CDH11: variants seen among roughly 807,000 people sequenced by gnomAD.
CDH11 encodes the protein cadherin-11.
Under a neutral mutation model 67.8 loss-of-function variants are expected in CDH11, and 11 were observed. That is an observed-to-expected ratio of 0.16 (90% CI 0.10 to 0.27). The LOEUF (loss-of-function observed/expected upper bound fraction) is 0.27. CDH11 is among the 10% of genes least tolerant of loss of function. The pLI is 1.00. For missense variants in CDH11, 847 were observed against 1,031.2 expected (o/e 0.82, Z 2.45); for synonymous variants, 419 against 400.0 (o/e 1.05, Z -0.57).
chr16:65,003,423 A>C (rs949564734), intron 3 of CDH11, among the ~76,000 whole-genome samples: 1 of 151,892 alleles, frequency 6.6e-6, no homozygotes, highest in Non-Finnish European at 1.5e-5. Flanking sequence ...CGCCTGGCTA[A>C]TATTTGTGTT....
At chr16:65,062,622 A>C (rs530077857) in intron 1 of CDH11, among the ~76,000 whole-genome samples, 1 of 152,184 alleles carries the variant, frequency 6.6e-6, no homozygotes, top group Non-Finnish European at 1.5e-5. Flanking sequence ...CCATTTTGTT[A>C]TTTGCCTTTT....
intron 2 of CDH11, among the ~76,000 whole-genome samples, chr16:65,046,975 G>GGCA (rs2073972017): frequency 6.6e-6 from 1 of 152,104 alleles, no homozygotes; most frequent in African/African-American, 2.4e-5. Context: ...CAGCCGTGGT[G>GGCA]GCATATGCCT....
intron 1 of CDH11, among the ~76,000 whole-genome samples, chr16:65,099,618 CT>C (rs1157912510): frequency 6.6e-6 from 1 of 152,092 alleles, no homozygotes; most frequent in Non-Finnish European, 1.5e-5. Context: ...GGAAAAATAT[CT>C]CAGCATCAAT....
chr16:65,039,014 C>T (rs926062047), intron 2 of CDH11, among the ~76,000 whole-genome samples: 3 of 152,046 alleles, frequency 2.0e-5, no homozygotes, highest in Admixed American at 2.0e-4. Flanking sequence ...TTTTTGGGCA[C>T]CAGAAGAATG....
intron 1 of CDH11, among the ~76,000 whole-genome samples, chr16:65,074,023 C>T (rs1366730388): frequency 2.0e-5 from 3 of 152,192 alleles, no homozygotes; most frequent in Non-Finnish European, 4.4e-5. Context: ...GTTGCTAAAG[C>T]TGTGGCTAAG....
chr16:65,041,273 A>C (rs764574006), intron 2 of CDH11, among the ~76,000 whole-genome samples: 8 of 152,180 alleles, frequency 5.3e-5, no homozygotes, highest in Non-Finnish European at 1.0e-4. Flanking sequence ...GTAGGTGCAC[A>C]CATGGGTACC....
chr16:64,972,087 G>A (rs749629084), intron 9 of CDH11, 23 bp from the exon 10 acceptor site: 2 of 1,610,162 alleles, frequency 1.2e-6, no homozygotes, highest in Non-Finnish European at 1.7e-6. Flanking sequence ...AATGCAGACA[G>A]TCAAGAAAGG....
intron 4 of CDH11, among the ~76,000 whole-genome samples, chr16:64,993,913 G>A (rs1029213348): frequency 6.6e-6 from 1 of 152,130 alleles, no homozygotes; most frequent in Non-Finnish European, 1.5e-5. Context: ...TTCCTCTGCT[G>A]GGCATTTTTT....
intron 2 of CDH11, among the ~76,000 whole-genome samples, chr16:65,006,549 G>A (rs2073058738): frequency 6.6e-6 from 1 of 152,172 alleles, no homozygotes; most frequent in Admixed American, 6.5e-5. Context: ...TGAATAATGA[G>A]GATGACAAGA....
At chr16:65,078,639 AT>A (rs1251657298) in intron 1 of CDH11, among the ~76,000 whole-genome samples, 1 of 152,134 alleles carries the variant, frequency 6.6e-6, no homozygotes, top group African/African-American at 2.4e-5. Flanking sequence ...TCTAATAGAC[AT>A]TTTTTTGATC....
chr16:65,077,304 A>G (rs995074719), intron 1 of CDH11, among the ~76,000 whole-genome samples: 5 of 152,198 alleles, frequency 3.3e-5, no homozygotes, highest in Non-Finnish European at 5.9e-5. Context: ...TGATGATTAC[A>G]TGTGGATAAA....
At position 64,945,106 on chromosome 16, in the gene CDH11, G is replaced by A. The variant is rs2071171558; in HGVS notation, c.*2497C>T. On this transcript the variant is annotated 3_prime_UTR_variant, in exon 13 of 13. Coordinates refer to ENST00000268603, the MANE Select transcript of CDH11 (RefSeq NM_001797.4). ...TACTTGAGGAAAAGAACAGAAGCAT[G>A]TTCCTTCTTTTAGCTGCATAGATGG... 1 of 203,774 alleles carries A rather than the reference G, an allele frequency of 4.9e-6. No homozygotes were observed. The highest frequency in any genetic ancestry group is 1.9e-4 in the South Asian group (1 of 5,256). 12.6% of individuals were successfully genotyped at this position (203,774 alleles called of 1,614,324 possible).
intron 2 of CDH11, among the ~76,000 whole-genome samples, chr16:65,050,590 C>T (rs1047968658): frequency 1.3e-5 from 2 of 150,466 alleles, no homozygotes; most frequent in East Asian, 2.0e-4. Flanking sequence ...AAGTCCTTTC[C>T]TCCACCAGGC....
intron 1 of CDH11, among the ~76,000 whole-genome samples, chr16:65,115,700 G>A (rs1175187977): frequency 5.0e-5 from 5 of 100,866 alleles, no homozygotes; most frequent in Admixed American, 2.1e-4. Context: ...AAAATATAAG[G>A]CTACACCAAA....
chr16:65,009,615 T>C (rs2073134957), intron 2 of CDH11, among the ~76,000 whole-genome samples: 1 of 152,074 alleles, frequency 6.6e-6, no homozygotes, highest in Admixed American at 6.6e-5. Flanking sequence ...TGGTAATAAT[T>C]AGGGAAATAT....
intron 4 of CDH11, among the ~76,000 whole-genome samples, chr16:64,997,179 A>G (rs2072792022): frequency 6.6e-6 from 1 of 151,904 alleles, no homozygotes; most frequent in African/African-American, 2.4e-5. Flanking sequence ...GCGCTCCTGT[A>G]ATCCCAGTTA....
At chr16:65,015,556 C>T (rs2073287839) in intron 2 of CDH11, among the ~76,000 whole-genome samples, 1 of 152,246 alleles carries the variant, frequency 6.6e-6, no homozygotes, top group East Asian at 1.9e-4. Flanking sequence ...CTACCTTGCC[C>T]TCTCTTCCCT....
rs183786934 is a variant in CDH11, at chr16:65,065,013, C to G, written c.-297-11085G>C. Among the ~76,000 whole-genome samples the G allele has an allele frequency of 3.7e-3, 559 of 152,254 alleles. 6 individuals are homozygous for G. Among genetic ancestry groups the G allele is most frequent in the Non-Finnish European group, 2.2e-3 (152 of 68,014 alleles). On this transcript the variant is annotated intron_variant, in intron 1 of 12. Coordinates refer to ENST00000268603, the MANE Select transcript of CDH11 (RefSeq NM_001797.4). ...CCGCCCCAGACCCTGCCTCCAGCAT[C>G]CCAGGGTCTCTGCACCGCATTTTCA...
chr16:65,006,553 G>A (rs1483121136), intron 2 of CDH11, among the ~76,000 whole-genome samples: 1 of 152,198 alleles, frequency 6.6e-6, no homozygotes, highest in East Asian at 1.9e-4. Context: ...TAATGAGGAT[G>A]ACAAGAATTG....
Sources: allele counts gnomAD v4.1 joint callset (sites outside exome capture counted in the v4.1 genomes callset), GRCh38; gene constraint gnomAD v4.1.1; transcripts MANE v1.5; gene names NCBI Gene and HGNC (gene_info 2026-07-23, HGNC 2026-07-21).